Variants in DZIP3 observed in about 807,000 individuals in gnomAD.
DZIP3 encodes DAZ interacting zinc finger protein 3.
In DZIP3, 118 loss-of-function variants were observed where a neutral mutation model predicts 162.0. That is an observed-to-expected ratio of 0.73 (90% CI 0.63 to 0.85). The LOEUF (loss-of-function observed/expected upper bound fraction) is 0.85, where lower values mean the gene tolerates loss of function less well. DZIP3 is among the 40% of genes least tolerant of loss of function. The pLI is 0.00. For synonymous variants in DZIP3, 438 were observed against 458.6 expected, an observed-to-expected ratio of 0.96 and a Z score of 0.57; for missense variants, 1,331 against 1,407.0, an observed-to-expected ratio of 0.95 and a Z score of 0.86.
chr3:108,644,658 G>A lies in DZIP3; in HGVS notation c.1636G>A (p.Asp546Asn). Reference sequence around the variant, plus strand: ...TCTGCGCCTTGGGATGATGCAAGAGGATATTGACAAAGTGAAGGAGAATCC... The same window carrying A: ...TCTGCGCCTTGGGATGATGCAAGAGAATATTGACAAAGTGAAGGAGAATCC... ...ILLRLGMMQEDIDKVKENPIE... is the reference protein window; with the variant it reads ...ILLRLGMMQENIDKVKENPIE... The change falls in exon 14 of 33, where the codon GAT becomes AAT. Residue 546 changes from aspartate to asparagine, a missense_variant. Around this residue, in one of 2 missense-constraint regions of DZIP3, gnomAD observed 1,278 missense variants for 1,317.1 expected, o/e 0.97. Coordinates refer to ENST00000361582, the MANE Select transcript of DZIP3 (RefSeq NM_014648.4). The A allele has an allele frequency of 6.2e-7, 1 of 1,613,990 alleles. No homozygotes were observed. Among genetic ancestry groups the A allele is most frequent in the South Asian group, 1.1e-5 (1 of 91,080 alleles).
intron 12 of DZIP3, among the ~76,000 whole-genome samples, chr3:108,640,388 ATTG>A (rs1576401276): frequency 8.6e-6 from 1 of 115,942 alleles, no homozygotes; most frequent in African/African-American, 3.6e-5. Flanking sequence ...CACATCTAGA[ATTG>A]TTACCTTTTT....
At chr3:108,628,911 G>C (rs1576382320) in intron 7 of DZIP3, 151 bp from the exon 8 acceptor site, 1 of 517,532 alleles carries the variant, frequency 1.9e-6, no homozygotes, top group East Asian at 3.4e-5. Context: ...ATCTGCCACA[G>C]GTGAGAGTGC....
chr3:108,650,092 G>A (rs1248468049), intron 17 of DZIP3, among the ~76,000 whole-genome samples: 1 of 151,754 alleles, frequency 6.6e-6, no homozygotes, highest in Non-Finnish European at 1.5e-5. Context: ...GGCATATAGT[G>A]TGTCTTGCCT....
At chr3:108,631,050 C>CACACACACACACACACACAT (rs1553705333) in intron 8 of DZIP3, among the ~76,000 whole-genome samples, 1 of 111,956 alleles carries the variant, frequency 8.9e-6, no homozygotes, top group African/African-American at 3.5e-5. Flanking sequence ...CACACACACA[C>CACACACACACACACACACAT]ACACACTCTC....
chr3:108,604,340 C>T (rs1265376787), intron 1 of DZIP3, among the ~76,000 whole-genome samples: 1 of 152,080 alleles, frequency 6.6e-6, no homozygotes, highest in African/African-American at 2.4e-5. Context: ...TCTTCTTTTG[C>T]CCCAGAGCAT....
At chr3:108,617,246 A>G (rs1457752271) in intron 5 of DZIP3, among the ~76,000 whole-genome samples, 3 of 152,218 alleles carry the variant, frequency 2.0e-5, no homozygotes, top group African/African-American at 2.4e-5. Context: ...AAAATTGCCT[A>G]GAGTAGATTT....
At chr3:108,625,770 G>T in intron 6 of DZIP3, 75 bp from the exon 7 acceptor site, 1 of 1,402,872 alleles carries the variant, frequency 7.1e-7, no homozygotes, top group East Asian at 2.4e-5. Flanking sequence ...TCTCCAGTTT[G>T]AGAAGTAATT....
Position 108,677,574 on chromosome 3 carries a change from T to C in DZIP3, c.2859T>C (p.Pro953=). 6.2e-7 allele frequency: 1 copy of C among 1,612,492 alleles called. No individual in the cohort carries two copies. The highest frequency in any genetic ancestry group is 8.5e-7 in the Non-Finnish European group (1 of 1,178,880). Reference sequence around the variant, plus strand: ...CCTTGCCTCCAGTCCAGCTTCCTCCTCCACCACCCAGTCCTGAGATACTGG... The same window carrying C: ...CCTTGCCTCCAGTCCAGCTTCCTCCCCCACCACCCAGTCCTGAGATACTGG... ...LSTLPPVQLP[P]PPPSPEILMQ... The change falls in exon 26 of 33, where the codon CCT becomes CCC. Residue 953 remains proline, a synonymous_variant. Transcript: ENST00000361582.
At chr3:108,672,081 G>A (rs1943945837) in intron 22 of DZIP3, among the ~76,000 whole-genome samples, 1 of 151,928 alleles carries the variant, frequency 6.6e-6, no homozygotes. Flanking sequence ...ACTTCACATA[G>A]CAGAAGGCAG....
At chr3:108,591,359 C>T (rs1939405823) in intron 1 of DZIP3, among the ~76,000 whole-genome samples, 1 of 152,212 alleles carries the variant, frequency 6.6e-6, no homozygotes, top group Non-Finnish European at 1.5e-5. Context: ...GTCAGTGCCT[C>T]ATTGGCAAAT....
intron 4 of DZIP3, among the ~76,000 whole-genome samples, chr3:108,614,602 G>C (rs1465465784): frequency 1.3e-5 from 2 of 152,090 alleles, no homozygotes; most frequent in Non-Finnish European, 2.9e-5. Context: ...AGTTTTCCAT[G>C]TCTATATCTC....
intron 12 of DZIP3, among the ~76,000 whole-genome samples, chr3:108,638,823 C>G (rs575138746): frequency 2.3e-4 from 35 of 152,308 alleles, no homozygotes; most frequent in African/African-American, 8.4e-4. Flanking sequence ...AACTTCTGTT[C>G]ATGAAGATCT....
At position 108,617,489 on chromosome 3, in the gene DZIP3, T is replaced by C. The variant is rs2168037; in HGVS notation, c.375+832T>C. Among the ~76,000 whole-genome samples the C allele has an allele frequency of 6.8e-3, 1,043 of 152,288 alleles. 5 individuals carry two copies. Among genetic ancestry groups the C allele is most frequent in the African/African-American group, 0.024 (983 of 41,572 alleles). On this transcript the variant is annotated intron_variant, in intron 5 of 32. Coordinates refer to ENST00000361582, the MANE Select transcript of DZIP3 (RefSeq NM_014648.4). Reference sequence around the variant, plus strand: ...TTTGTAAAAGTTGGAATTTCTCTTATAGGTAAAATTAACAAAATGTATTTA... The same window carrying C: ...TTTGTAAAAGTTGGAATTTCTCTTACAGGTAAAATTAACAAAATGTATTTA...
chr3:108,616,509 A>G, intron 4 of DZIP3, 32 bp from the exon 5 acceptor site: 1 of 1,429,544 alleles, frequency 7.0e-7, no homozygotes, highest in South Asian at 1.2e-5. Context: ...GTTCAGACTT[A>G]TAGACATTTT....
At chr3:108,692,988 G>T (rs1369583071) in intron 32 of DZIP3, among the ~76,000 whole-genome samples, 1 of 150,712 alleles carries the variant, frequency 6.6e-6, no homozygotes, top group African/African-American at 2.4e-5. Context: ...TTGTCAATCT[G>T]TCTTTTGTTA....
intron 19 of DZIP3, among the ~76,000 whole-genome samples, chr3:108,658,452 G>A (rs1483153583): frequency 1.3e-5 from 2 of 152,000 alleles, no homozygotes; most frequent in South Asian, 2.1e-4. Context: ...CGAGAACAAA[G>A]ACACAACATA....
chr3:108,624,903 T>A (rs1298202097), intron 6 of DZIP3, among the ~76,000 whole-genome samples: 1 of 152,146 alleles, frequency 6.6e-6, no homozygotes, highest in Non-Finnish European at 1.5e-5. Flanking sequence ...TTTTTTCTGA[T>A]TTTTAATGAT....
chr3:108,671,128 C>A (rs1179392351), intron 22 of DZIP3, among the ~76,000 whole-genome samples: 2 of 151,492 alleles, frequency 1.3e-5, no homozygotes, highest in Non-Finnish European at 3.0e-5. Flanking sequence ...TGATGAAGTC[C>A]GATTTGTAAT....
intron 21 of DZIP3, among the ~76,000 whole-genome samples, chr3:108,663,942 G>A (rs1376862830): frequency 6.6e-6 from 1 of 152,248 alleles, no homozygotes. Flanking sequence ...AGATTAACAT[G>A]TAAGGATAAA....
Sources: gnomAD v4.1 joint callset for allele counts (sites outside exome capture counted in the v4.1 genomes callset) on GRCh38, gnomAD v4.1.1 for gene constraint, gnomAD v4.1.1 regional missense constraint, MANE v1.5 for transcripts, NCBI Gene and HGNC (gene_info 2026-07-23, HGNC 2026-07-21) for gene names.